Variants in CTSC observed in about 807,000 individuals in gnomAD.
CTSC encodes cathepsin C, also known as dipeptidyl peptidase 1.
CTSC carries 37 observed loss-of-function variants against 40.9 expected under a neutral mutation model. The ratio of observed to expected loss-of-function variants is 0.91; its 90% CI spans 0.70 to 1.19. The LOEUF is 1.19. Among genes scored for constraint, CTSC ranks in the 50% most tolerant of loss-of-function variants. CTSC has a pLI of 0.00. For synonymous variants in CTSC, 232 were observed against 207.4 expected (o/e 1.12, Z -1.02); for missense variants, 594 against 567.3 (o/e 1.05, Z -0.48).
chr11:88,293,832 G>A lies in CTSC; in HGVS notation c.*174C>T. On this transcript the variant is annotated 3_prime_UTR_variant, in exon 7 of 7. Transcript: ENST00000227266. The stretch of plus-strand genomic sequence containing the variant: ...GAATACTTAGAAAAAAATGGCCAGT[G>A]GCCGATTGAAAGGTATATTAAAATT... 1 of 745,722 alleles carries A rather than the reference G, an allele frequency of 1.3e-6. No individual in the cohort carries two copies. The highest frequency in any genetic ancestry group is 1.8e-5 in the South Asian group (1 of 56,068). The allele number at this position is 745,722 out of a possible 1,614,324, so 46.2% of individuals were successfully genotyped here.
intron 5 of CTSC, among the ~76,000 whole-genome samples, chr11:88,300,233 T>C (rs753150334): frequency 6.6e-6 from 1 of 152,214 alleles, no homozygotes; most frequent in Non-Finnish European, 1.5e-5. Flanking sequence ...GAATCTTTCC[T>C]ACTAGGAGGA....
chr11:88,298,630 G>A (rs1944323768), intron 5 of CTSC: 1 of 152,146 alleles, frequency 6.6e-6, no homozygotes, highest in African/African-American at 2.4e-5. Context: ...CCAAAAGAAA[G>A]TCAAAAGAGG....
intron 2 of CTSC, chr11:88,327,958 C>T: frequency 4.4e-6 from 3 of 674,670 alleles, no homozygotes; most frequent in South Asian, 3.3e-5. Flanking sequence ...TTAGAAACAG[C>T]AGACAAGCAG....
chr11:88,312,720 T>C (rs941438746), intron 2 of CTSC, among the ~76,000 whole-genome samples, 166 bp from the exon 3 acceptor site: 1 of 152,138 alleles, frequency 6.6e-6, no homozygotes, highest in Non-Finnish European at 1.5e-5. Context: ...CATACAAACT[T>C]TTCTGTGGTT....
At chr11:88,333,755 A>G (rs1363779734) in intron 2 of CTSC, among the ~76,000 whole-genome samples, 2 of 152,268 alleles carry the variant, frequency 1.3e-5, no homozygotes, top group African/African-American at 4.8e-5. Flanking sequence ...ACAACTGGTT[A>G]AGCATGGGTT....
At chr11:88,324,343 A>AT in intron 2 of CTSC, 1 of 972,354 alleles carries the variant, frequency 1.0e-6, no homozygotes, top group African/African-American at 1.8e-5. Flanking sequence ...TATTTTTTAC[A>AT]TATCAGTTGC....
At position 88,337,487 on chromosome 11, in the gene CTSC, A is replaced by G; in HGVS notation, c.172+14T>C. 3 of 1,563,646 alleles carry G rather than the reference A, an allele frequency of 1.9e-6. No homozygotes were observed. The South Asian group carries it at 3.5e-5, about 18-fold the overall frequency. ...GAAAGGACGACCCGGAGGACTGCCGAGCCGGCGGCTTACCCATAACCGAGC... is the reference window on the plus strand; with the variant it reads ...GAAAGGACGACCCGGAGGACTGCCGGGCCGGCGGCTTACCCATAACCGAGC... On this transcript the variant is annotated intron_variant, in intron 1 of 6. Transcript: ENST00000227266.
At chr11:88,296,580 T>C (rs546330442) in intron 5 of CTSC, 61 of 362,064 alleles carry the variant, frequency 1.7e-4, no homozygotes, top group South Asian at 4.2e-4. Flanking sequence ...AAAGGATTTA[T>C]GTCTACAACG....
In CTSC at chr11:88,293,772, T is replaced by C. The variant is rs1051011367; in HGVS notation, c.*234A>G. On this transcript the variant is annotated 3_prime_UTR_variant, in exon 7 of 7. Coordinates refer to ENST00000227266, the MANE Select transcript of CTSC (RefSeq NM_001814.6). Reference sequence around the variant, plus strand: ...TGATTAAGCAAACTCTATTACTTCATAGCTGACCATCTTCCAGAAAATTCC... The same window carrying C: ...TGATTAAGCAAACTCTATTACTTCACAGCTGACCATCTTCCAGAAAATTCC... 1.6e-5 allele frequency: 9 copies of C among 579,082 alleles called. No homozygotes were observed. Among genetic ancestry groups the C allele is most frequent in the African/African-American group, 5.6e-5 (3 of 53,486 alleles). 35.9% of individuals were successfully genotyped at this position (579,082 alleles called of 1,614,324 possible).
chr11:88,312,120 T>G (rs1937775849), intron 3 of CTSC, among the ~76,000 whole-genome samples: 1 of 152,232 alleles, frequency 6.6e-6, no homozygotes, highest in Non-Finnish European at 1.5e-5. Context: ...GCAAAATGGC[T>G]TTTCTTTATT....
intron 2 of CTSC, 40 bp downstream of exon 2, chr11:88,334,897 A>C: frequency 6.7e-7 from 1 of 1,503,502 alleles, no homozygotes. Context: ...TCAGATATCA[A>C]ATCATTGAAA....
intron 2 of CTSC, among the ~76,000 whole-genome samples, chr11:88,332,074 T>C (rs1938375796): frequency 1.3e-5 from 2 of 152,092 alleles, no homozygotes; most frequent in Non-Finnish European, 2.9e-5. Context: ...AGGAAGCAAG[T>C]TGTAGGGTTC....
chr11:88,332,438 T>C (rs1938387172), intron 2 of CTSC, among the ~76,000 whole-genome samples: 1 of 152,220 alleles, frequency 6.6e-6, no homozygotes. Context: ...ACTTTCTGTA[T>C]TAATAAATGT....
intron 2 of CTSC, chr11:88,325,263 A>G: frequency 1.0e-6 from 1 of 985,444 alleles, no homozygotes; most frequent in Non-Finnish European, 1.2e-6. Context: ...TTTCCAAACT[A>G]CAAACTGAAG....
intron 4 of CTSC, among the ~76,000 whole-genome samples, chr11:88,305,869 C>T (rs980815792): frequency 2.0e-5 from 3 of 152,182 alleles, no homozygotes; most frequent in African/African-American, 7.2e-5. Context: ...TAGCATATGA[C>T]ACTTGGTAAA....
intron 2 of CTSC, chr11:88,325,736 T>C: frequency 1.0e-6 from 1 of 985,398 alleles, no homozygotes; most frequent in Non-Finnish European, 1.2e-6. Flanking sequence ...ATACCATCTT[T>C]CTGGCCAGAG....
chr11:88,295,830 C>T (rs1944292462), intron 6 of CTSC, among the ~76,000 whole-genome samples: 1 of 152,124 alleles, frequency 6.6e-6, no homozygotes, highest in Non-Finnish European at 1.5e-5. Context: ...TTCTTAGTTC[C>T]TGTTCCCCGC....
At chr11:88,300,491 C>T in intron 5 of CTSC, 39 bp downstream of exon 5, 1 of 1,248,828 alleles carries the variant, frequency 8.0e-7, no homozygotes, top group Non-Finnish European at 1.2e-6. Flanking sequence ...ATAAATAGTT[C>T]CAAACAAATT....
At chr11:88,332,369 T>C (rs966455605) in intron 2 of CTSC, among the ~76,000 whole-genome samples, 2 of 152,216 alleles carry the variant, frequency 1.3e-5, no homozygotes, top group Admixed American at 6.5e-5. Flanking sequence ...TACGCATCCT[T>C]TCAAGCACGG....
Sources: gnomAD v4.1 joint callset for allele counts (sites outside exome capture counted in the v4.1 genomes callset) on GRCh38, gnomAD v4.1.1 for gene constraint, MANE v1.5 for transcripts, NCBI Gene and HGNC (gene_info 2026-07-23, HGNC 2026-07-21) for gene names.